Variants in ALCAM observed in about 807,000 individuals in gnomAD.
ALCAM encodes activated leukocyte cell adhesion molecule, also known as CD166 antigen.
Under a neutral mutation model 70.9 loss-of-function variants are expected in ALCAM, and 30 were observed. The observed-to-expected ratio is 0.42, with a 90% CI of 0.32 to 0.57. The LOEUF is 0.57. Ranked by LOEUF, ALCAM falls within the 20% of genes least tolerant of loss-of-function variation. The pLI, the probability that ALCAM is intolerant of heterozygous loss-of-function variation, is 0.11. For synonymous variants in ALCAM, 249 were observed against 242.5 expected (o/e 1.03, Z -0.25); for missense variants, 591 against 695.1 (o/e 0.85, Z 1.68).
chr3:105,529,801 A>T (rs1028094824), intron 3 of ALCAM, among the ~76,000 whole-genome samples: 2 of 152,128 alleles, frequency 1.3e-5, no homozygotes, highest in Non-Finnish European at 2.9e-5. Flanking sequence ...AGTGTTTATG[A>T]TTATGGGTGC....
intron 1 of ALCAM, among the ~76,000 whole-genome samples, chr3:105,374,541 T>G (rs1935330051): frequency 6.6e-6 from 1 of 152,104 alleles, no homozygotes; most frequent in Non-Finnish European, 1.5e-5. Flanking sequence ...TTTGAGACGG[T>G]GTCTCGCTCT....
At position 105,576,399 on chromosome 3, in the gene ALCAM, ATAT is replaced by A. The variant is rs1326595411; in HGVS notation, c.*1953_*1955del. ...CTAAAATAAAATTACTTCCATATAAATATTATTTTCTCTTTTGGTGTGGGAGAT... is the reference window on the plus strand; with the variant it reads ...CTAAAATAAAATTACTTCCATATAAATATTTTCTCTTTTGGTGTGGGAGAT... On this transcript the variant is annotated 3_prime_UTR_variant, in exon 16 of 16. Transcript: ENST00000306107. The A allele has an allele frequency of 1.3e-5, 2 of 152,708 alleles. No homozygotes were observed. The highest frequency in any genetic ancestry group is 2.1e-4 in the South Asian group (1 of 4,826). The allele number at this position is 152,708 out of a possible 1,614,324, so 9.5% of individuals were successfully genotyped here.
chr3:105,542,163 C>T (rs1940133542), intron 8 of ALCAM, among the ~76,000 whole-genome samples: 1 of 151,792 alleles, frequency 6.6e-6, no homozygotes, highest in African/African-American at 2.4e-5. Context: ...AAATTTAACA[C>T]CCAAACTCAG....
intron 1 of ALCAM, among the ~76,000 whole-genome samples, chr3:105,414,204 G>A (rs1936454735): frequency 6.6e-6 from 1 of 150,606 alleles, no homozygotes; most frequent in Non-Finnish European, 1.5e-5. Context: ...TTTGCCACCA[G>A]TCTGGGCAAA....
chr3:105,414,623 A>G (rs1936464936), intron 1 of ALCAM, among the ~76,000 whole-genome samples: 1 of 152,122 alleles, frequency 6.6e-6, no homozygotes, highest in Non-Finnish European at 1.5e-5. Context: ...AGCTCAGAGC[A>G]TGTTCAGGGT....
At chr3:105,420,447 A>G (rs1377465574) in intron 1 of ALCAM, among the ~76,000 whole-genome samples, 1 of 151,802 alleles carries the variant, frequency 6.6e-6, no homozygotes, top group African/African-American at 2.4e-5. Flanking sequence ...CTGTGAAGAA[A>G]TGCTGCATCT....
At chr3:105,558,714 T>C (rs192296554) in intron 14 of ALCAM, among the ~76,000 whole-genome samples, 1 of 152,088 alleles carries the variant, frequency 6.6e-6, no homozygotes, top group Admixed American at 6.6e-5. Flanking sequence ...GAATGAGGAG[T>C]TGAGACTTAG....
At chr3:105,531,014 G>GA (rs1318863176) in intron 3 of ALCAM, among the ~76,000 whole-genome samples, 3 of 152,020 alleles carry the variant, frequency 2.0e-5, no homozygotes, top group Non-Finnish European at 4.4e-5. Flanking sequence ...GACTATAAAA[G>GA]AAAAAGTAGC....
At position 105,383,502 on chromosome 3, in the gene ALCAM, A is replaced by C. The variant is rs1207312414; in HGVS notation, c.73+16021A>C. Among the ~76,000 whole-genome samples the C allele has an allele frequency of 4.6e-5, 7 of 151,940 alleles. 1 individual carries two copies. The South Asian group carries it at 1.5e-3, about 31-fold the overall frequency. The stretch of plus-strand genomic sequence containing the variant: ...ATCAATGAAGCCTATTTTAAACAAC[A>C]ACATATAATGTTGTATGAATAAGAA... On this transcript the variant is annotated intron_variant, in intron 1 of 15. Transcript: ENST00000306107.
chr3:105,497,217 A>G (rs2152614085), intron 1 of ALCAM, among the ~76,000 whole-genome samples: 1 of 152,346 alleles, frequency 6.6e-6, no homozygotes, highest in East Asian at 1.9e-4. Context: ...CACAGAATAT[A>G]CTGAAGACAA....
At chr3:105,523,139 C>CAAAAA (rs59478384) in intron 2 of ALCAM, among the ~76,000 whole-genome samples, 38 of 87,008 alleles carry the variant, frequency 4.4e-4, no homozygotes, top group African/African-American at 1.4e-3. Context: ...GACTCCGTCT[C>CAAAAA]AAAAAAAAAA....
intron 1 of ALCAM, among the ~76,000 whole-genome samples, chr3:105,490,975 C>T (rs1052459956): frequency 6.6e-6 from 1 of 152,220 alleles, no homozygotes; most frequent in Non-Finnish European, 1.5e-5. Context: ...GCACTGCCCT[C>T]GCAGAGGTTC....
At chr3:105,394,130 A>C (rs1935890292) in intron 1 of ALCAM, among the ~76,000 whole-genome samples, 1 of 151,978 alleles carries the variant, frequency 6.6e-6, no homozygotes, top group Non-Finnish European at 1.5e-5. Flanking sequence ...GTATGGTAAC[A>C]GCCTGTAAGC....
chr3:105,572,086 G>GT lies in ALCAM; in HGVS notation c.*25+130dup, dbSNP rs548398218. The GT allele has an allele frequency of 1.0e-3, 612 of 584,892 alleles. 3 individuals carry two copies. Among genetic ancestry groups the GT allele is most frequent in the African/African-American group, 9.2e-3 (493 of 53,444 alleles). The allele number at this position is 584,892 out of a possible 1,614,324, so 36.2% of individuals were successfully genotyped here. On this transcript the variant is annotated intron_variant, in intron 15 of 15. Transcript: ENST00000306107. ...CAGCTTTCAAAACAGGAAGAGAGGG[G>GT]TTTTTTTTCTTTTTATTATGCTTTA...
At chr3:105,461,463 A>G (rs1320637428) in intron 1 of ALCAM, among the ~76,000 whole-genome samples, 1 of 151,870 alleles carries the variant, frequency 6.6e-6, no homozygotes, top group Non-Finnish European at 1.5e-5. Context: ...AGAGTGGTCT[A>G]AGCCATTACA....
intron 14 of ALCAM, among the ~76,000 whole-genome samples, chr3:105,555,955 A>G (rs761671981): frequency 3.9e-5 from 6 of 152,008 alleles, no homozygotes; most frequent in Admixed American, 6.6e-5. Flanking sequence ...CCATGTATGT[A>G]GGGTATTAAC....
intron 1 of ALCAM, among the ~76,000 whole-genome samples, chr3:105,446,473 A>G (rs1937300665): frequency 6.6e-6 from 1 of 152,174 alleles, no homozygotes; most frequent in African/African-American, 2.4e-5. Flanking sequence ...ATGGAGTATA[A>G]ATCCAAAGAA....
intron 1 of ALCAM, among the ~76,000 whole-genome samples, chr3:105,499,079 A>G (rs1295363259): frequency 6.6e-6 from 1 of 152,204 alleles, no homozygotes; most frequent in Non-Finnish European, 1.5e-5. Context: ...ACAAATTACA[A>G]TAGTACAATA....
intron 1 of ALCAM, among the ~76,000 whole-genome samples, chr3:105,437,235 G>A (rs1026433975): frequency 6.6e-6 from 1 of 152,120 alleles, no homozygotes; most frequent in Non-Finnish European, 1.5e-5. Context: ...GGAGCTCAAA[G>A]TTGCTAAAGT....
Sources: allele counts gnomAD v4.1 joint callset (sites outside exome capture counted in the v4.1 genomes callset), GRCh38; gene constraint gnomAD v4.1.1; transcripts MANE v1.5; gene names NCBI Gene and HGNC (gene_info 2026-07-23, HGNC 2026-07-21).